The following MGMT variants were observed in gnomAD, a reference collection of about 807,000 sequenced individuals.
MGMT encodes the protein methylated-DNA--protein-cysteine methyltransferase.
MGMT carries 14 observed loss-of-function variants against 15.9 expected under a neutral mutation model. That is an observed-to-expected ratio of 0.88 (90% confidence interval 0.58 to 1.37). The LOEUF is 1.37. MGMT is among the 40% of genes most tolerant of loss of function. MGMT has a pLI of 0.00. For synonymous variants in MGMT, 130 were observed against 118.2 expected, an observed-to-expected ratio of 1.10 and a Z score of -0.65; for missense variants, 282 against 268.1, an observed-to-expected ratio of 1.05 and a Z score of -0.36.
At chr10:129,759,487 C>A (rs1247102989) in intron 4 of MGMT, 146 bp downstream of exon 4, 3 of 1,226,844 alleles carry the variant, frequency 2.4e-6, no homozygotes, top group Non-Finnish European at 1.1e-6. Flanking sequence ...GACCATTATG[C>A]CAGATGCCTC....
At chr10:129,661,801 CT>C (rs1363240051) in intron 2 of MGMT, among the ~76,000 whole-genome samples, 4 of 152,200 alleles carry the variant, frequency 2.6e-5, no homozygotes, top group African/African-American at 7.2e-5. Flanking sequence ...ACTATCTTGA[CT>C]TACGGTTTTG....
intron 2 of MGMT, among the ~76,000 whole-genome samples, chr10:129,681,371 C>T (rs576509830): frequency 6.8e-4 from 103 of 152,310 alleles, no homozygotes; most frequent in African/African-American, 2.3e-3. Context: ...AGAGACCATG[C>T]TTCCTGTGGG....
intron 1 of MGMT, among the ~76,000 whole-genome samples, chr10:129,525,308 G>A (rs1356654591): frequency 6.6e-6 from 1 of 152,190 alleles, no homozygotes; most frequent in Admixed American, 6.5e-5. Flanking sequence ...TTTTAAGTAT[G>A]ATTTTTAAAT....
At chr10:129,723,873 C>G (rs571322328) in intron 3 of MGMT, among the ~76,000 whole-genome samples, 177 of 152,280 alleles carry the variant, frequency 1.2e-3, no homozygotes, top group African/African-American at 4.1e-3. Flanking sequence ...GATCAGACAC[C>G]ACCAAGTGTC....
intron 2 of MGMT, among the ~76,000 whole-genome samples, chr10:129,609,480 G>C (rs1271160907): frequency 6.6e-6 from 1 of 152,228 alleles, no homozygotes; most frequent in Non-Finnish European, 1.5e-5. Flanking sequence ...CTGGATGGTG[G>C]AGGTTTGCTG....
intron 2 of MGMT, among the ~76,000 whole-genome samples, chr10:129,580,217 G>A (rs577323806): frequency 1.2e-4 from 19 of 152,182 alleles, no homozygotes; most frequent in Non-Finnish European, 1.2e-4. Context: ...TGCTGTGCCC[G>A]GGGGGGCGGG....
intron 3 of MGMT, among the ~76,000 whole-genome samples, chr10:129,731,351 TAA>T (rs1848494918): frequency 7.0e-6 from 1 of 143,800 alleles, no homozygotes; most frequent in Non-Finnish European, 1.5e-5. Flanking sequence ...AAATTAAACC[TAA>T]GACTTTTTTT....
At chr10:129,716,576 A>C (rs1848300959) in intron 3 of MGMT, among the ~76,000 whole-genome samples, 1 of 152,214 alleles carries the variant, frequency 6.6e-6, no homozygotes, top group South Asian at 2.1e-4. Flanking sequence ...ACACGTCAGG[A>C]CTTACTGCTT....
intron 2 of MGMT, among the ~76,000 whole-genome samples, chr10:129,571,735 T>C (rs915771555): frequency 6.6e-6 from 1 of 152,230 alleles, no homozygotes; most frequent in African/African-American, 2.4e-5. Flanking sequence ...CCTTGTCACA[T>C]GTTATTTCTT....
intron 2 of MGMT, among the ~76,000 whole-genome samples, chr10:129,692,375 G>A (rs1847979753): frequency 6.6e-6 from 1 of 152,174 alleles, no homozygotes; most frequent in South Asian, 2.1e-4. Context: ...TTCTATGCAG[G>A]GTCAGGTGGT....
intron 3 of MGMT, among the ~76,000 whole-genome samples, chr10:129,743,042 C>G (rs1848654369): frequency 6.6e-6 from 1 of 152,248 alleles, no homozygotes; most frequent in Non-Finnish European, 1.5e-5. Context: ...CCTCTGAAAT[C>G]CTACCACCTA....
chr10:129,507,885 C>T (rs899193096), intron 1 of MGMT, among the ~76,000 whole-genome samples: 1 of 152,176 alleles, frequency 6.6e-6, no homozygotes, highest in Non-Finnish European at 1.5e-5. Flanking sequence ...AGCAAACAAG[C>T]CGAAAGCTTT....
At chr10:129,713,392 G>A (rs1269212572) in intron 3 of MGMT, among the ~76,000 whole-genome samples, 2 of 152,136 alleles carry the variant, frequency 1.3e-5, no homozygotes, top group African/African-American at 2.4e-5. Context: ...CTCCTTTTCT[G>A]GAGAGCAAAT....
At chr10:129,722,055 A>G (rs1439471923) in intron 3 of MGMT, among the ~76,000 whole-genome samples, 1 of 152,082 alleles carries the variant, frequency 6.6e-6, no homozygotes, top group Non-Finnish European at 1.5e-5. Flanking sequence ...ACAGAGTCCT[A>G]TGTAAAGATG....
chr10:129,741,281 C>T (rs1374218096), intron 3 of MGMT, among the ~76,000 whole-genome samples: 1 of 152,194 alleles, frequency 6.6e-6, no homozygotes, highest in African/African-American at 2.4e-5. Flanking sequence ...CAGTAGGTCC[C>T]ATCTGAAGAA....
intron 2 of MGMT, among the ~76,000 whole-genome samples, chr10:129,662,113 AT>A (rs1847604512): frequency 6.6e-6 from 1 of 152,130 alleles, no homozygotes; most frequent in Non-Finnish European, 1.5e-5. Context: ...GTAAATAAGA[AT>A]GGGGGTGGGG....
chr10:129,705,892 AG>A lies in MGMT; in HGVS notation c.126-2000del, dbSNP rs574105960. Among the ~76,000 whole-genome samples the A allele has an allele frequency of 5.4e-3, 822 of 152,180 alleles. 3 individuals carry two copies. Among genetic ancestry groups the A allele is most frequent in the Non-Finnish European group, 9.5e-3 (648 of 67,996 alleles). ...AGACCAGCAGAATCAGCACGGGGCCAGGGCAACAGCCCCATCCACACAGGGC... is the reference window on the plus strand; with the variant it reads ...AGACCAGCAGAATCAGCACGGGGCCAGGCAACAGCCCCATCCACACAGGGC... On this transcript the variant is annotated intron_variant, in intron 2 of 4. Coordinates refer to ENST00000651593, the MANE Select transcript of MGMT (RefSeq NM_002412.5).
At chr10:129,754,449 G>A (rs1206615112) in intron 3 of MGMT, among the ~76,000 whole-genome samples, 1 of 152,092 alleles carries the variant, frequency 6.6e-6, no homozygotes, top group Non-Finnish European at 1.5e-5. Flanking sequence ...ACTGGTTTGG[G>A]CTCCTGCGGC....
chr10:129,706,984 C>T (rs117153462), intron 2 of MGMT, among the ~76,000 whole-genome samples: 2,028 of 152,172 alleles, frequency 0.013, 17 homozygotes, highest in Non-Finnish European at 0.021. Flanking sequence ...ACCAAGAGGG[C>T]CGCGCAGTAG....
Sources: gnomAD v4.1 joint callset for allele counts (sites outside exome capture counted in the v4.1 genomes callset) on GRCh38, gnomAD v4.1.1 for gene constraint, MANE v1.5 for transcripts, NCBI Gene and HGNC (gene_info 2026-07-23, HGNC 2026-07-21) for gene names.